Variants in GSK3B observed in about 807,000 individuals in gnomAD.
GSK3B encodes the protein glycogen synthase kinase-3 beta.
In GSK3B, 15 loss-of-function variants were observed where a neutral mutation model predicts 56.4. That is an observed-to-expected ratio of 0.27 (90% CI 0.18 to 0.41). The LOEUF is 0.41. Among genes scored for constraint, GSK3B ranks in the 10% least tolerant of loss-of-function variants. The probability of loss-of-function intolerance (pLI) is 1.00; values close to 1 mark genes in which losing one functional copy is unlikely to be tolerated. For missense variants in GSK3B, 300 were observed against 513.4 expected (o/e 0.58, Z 4.02); for synonymous variants, 181 against 188.9 (o/e 0.96, Z 0.34).
intron 4 of GSK3B, among the ~76,000 whole-genome samples, chr3:119,920,773 T>A (rs2056832501): frequency 6.6e-6 from 1 of 152,174 alleles, no homozygotes; most frequent in African/African-American, 2.4e-5. Flanking sequence ...AAATATAAGA[T>A]TATTACAGTT....
intron 9 of GSK3B, among the ~76,000 whole-genome samples, chr3:119,847,109 G>A (rs187102272): frequency 1.4e-4 from 22 of 152,164 alleles, no homozygotes; most frequent in African/African-American, 4.8e-4. Flanking sequence ...GGCACAGGGA[G>A]GGGAACATCA....
chr3:119,988,389 T>C (rs1381584084), intron 2 of GSK3B, among the ~76,000 whole-genome samples: 1 of 152,224 alleles, frequency 6.6e-6, no homozygotes, highest in South Asian at 2.1e-4. Context: ...TTCTCCATAA[T>C]TTTGAAACTA....
At chr3:119,998,444 C>A (rs1225889435) in intron 2 of GSK3B, among the ~76,000 whole-genome samples, 1 of 152,228 alleles carries the variant, frequency 6.6e-6, no homozygotes, top group Non-Finnish European at 1.5e-5. Flanking sequence ...GCAGCTCCAG[C>A]TGATGCCTGG....
At chr3:119,909,886 G>A (rs1333157180) in intron 6 of GSK3B, among the ~76,000 whole-genome samples, 2 of 152,108 alleles carry the variant, frequency 1.3e-5, no homozygotes, top group Non-Finnish European at 1.5e-5. Flanking sequence ...GATGATTAAA[G>A]CTAATGGTCT....
chr3:119,831,447 G>A (rs951611425), intron 10 of GSK3B, among the ~76,000 whole-genome samples: 2 of 152,110 alleles, frequency 1.3e-5, no homozygotes, highest in Non-Finnish European at 2.9e-5. Flanking sequence ...CACAAAGTCA[G>A]GAGATAGAGA....
intron 2 of GSK3B, among the ~76,000 whole-genome samples, chr3:119,983,349 A>G (rs998750505): frequency 2.0e-5 from 3 of 152,224 alleles, no homozygotes; most frequent in African/African-American, 4.8e-5. Flanking sequence ...AAATTCATAT[A>G]TAGCAATATT....
At chr3:119,954,225 A>T (rs2057186996) in intron 2 of GSK3B, among the ~76,000 whole-genome samples, 1 of 15,010 alleles carries the variant, frequency 6.7e-5, no homozygotes, top group Non-Finnish European at 1.6e-4. Context: ...GTGGAAGGAG[A>T]ATAGAATAGA....
At chr3:120,051,163 G>A (rs528187222) in intron 1 of GSK3B, among the ~76,000 whole-genome samples, 22 of 150,546 alleles carry the variant, frequency 1.5e-4, no homozygotes, top group Admixed American at 8.6e-4. Flanking sequence ...AAAAAAATCA[G>A]TGGGCAAGCA....
At chr3:120,018,060 A>G (rs2107505982) in intron 1 of GSK3B, among the ~76,000 whole-genome samples, 2 of 152,284 alleles carry the variant, frequency 1.3e-5, no homozygotes, top group Middle Eastern at 6.8e-3. Flanking sequence ...TCACCAAACC[A>G]TCATCACTCA....
chr3:119,877,183 T>C (rs966990720), intron 7 of GSK3B, among the ~76,000 whole-genome samples: 5 of 152,172 alleles, frequency 3.3e-5, no homozygotes, highest in African/African-American at 7.2e-5. Context: ...GATATCTTTA[T>C]CTAGAAAAAC....
At chr3:119,906,029 T>C (rs1340434912) in intron 6 of GSK3B, among the ~76,000 whole-genome samples, 177 bp from the exon 7 acceptor site, 2 of 152,056 alleles carry the variant, frequency 1.3e-5, no homozygotes, top group Non-Finnish European at 2.9e-5. Context: ...AATTAAATGT[T>C]AAACTTACCA....
At position 119,946,757 on chromosome 3, in the gene GSK3B, A is replaced by C. The variant is rs1345862763; in HGVS notation, c.366+511T>G. On this transcript the variant is annotated intron_variant, in intron 3 of 10. Coordinates refer to ENST00000264235, the MANE Select transcript of GSK3B (RefSeq NM_001146156.2). ...CGCAGAATTCAATGTGGTCAGACAT[A>C]GGGATCACTTAAAGTAAGCTCTGCA... is the stretch of plus-strand genomic sequence containing the variant. 2.0e-5 allele frequency among the ~76,000 whole-genome samples: 3 copies of C among 152,198 alleles called. No individual in the cohort carries two copies. The East Asian group carries it at 5.8e-4, about 29-fold the overall frequency.
intron 2 of GSK3B, among the ~76,000 whole-genome samples, chr3:119,993,389 T>C (rs2057584971): frequency 6.6e-6 from 1 of 151,952 alleles, no homozygotes; most frequent in African/African-American, 2.4e-5. Context: ...AAGCGATACA[T>C]ACAGAAACAG....
intron 1 of GSK3B, among the ~76,000 whole-genome samples, chr3:120,054,198 A>G (rs80165941): frequency 0.016 from 2,439 of 152,336 alleles, 63 homozygotes; most frequent in African/African-American, 0.055. Context: ...AGATGATGGT[A>G]TTTTATCCTT....
At chr3:119,863,982 T>C (rs139454542) in intron 8 of GSK3B, among the ~76,000 whole-genome samples, 8 of 152,182 alleles carry the variant, frequency 5.3e-5, no homozygotes, top group Admixed American at 3.3e-4. Flanking sequence ...TTTTGCATTG[T>C]TTTTTTAGCC....
chr3:119,994,842 T>C (rs1042015341), intron 2 of GSK3B, among the ~76,000 whole-genome samples: 37 of 152,240 alleles, frequency 2.4e-4, no homozygotes, highest in African/African-American at 8.9e-4. Flanking sequence ...CAATGGACAT[T>C]TTTGGAACAA....
At position 119,824,371 on chromosome 3, in the gene GSK3B, T is replaced by C. The variant is rs2055466998; in HGVS notation, c.*2417A>G. ...CACACACGCACACATGCACACACAA[T>C]GAAATGAGAGAAAAGCGTGACTTTT... On this transcript the variant is annotated 3_prime_UTR_variant, in exon 11 of 11. Transcript: ENST00000264235. 9.0e-6 allele frequency: 2 copies of C among 221,066 alleles called. No individual in the cohort carries two copies. The highest frequency in any genetic ancestry group is 6.5e-5 in the East Asian group (1 of 15,344). The allele number at this position is 221,066 out of a possible 1,614,324, so 13.7% of individuals were successfully genotyped here. A position where few individuals can be genotyped will look rare whatever the true frequency, so the allele number is the denominator to read the frequency against.
chr3:119,943,182 A>G (rs2057066889), intron 3 of GSK3B, among the ~76,000 whole-genome samples: 1 of 152,230 alleles, frequency 6.6e-6, no homozygotes, highest in Non-Finnish European at 1.5e-5. Context: ...CAAAATAGAC[A>G]TATCATTCAG....
At chr3:119,901,443 T>C (rs1486279810) in intron 7 of GSK3B, among the ~76,000 whole-genome samples, 1 of 152,214 alleles carries the variant, frequency 6.6e-6, no homozygotes, top group South Asian at 2.1e-4. Flanking sequence ...AAATCTGTTC[T>C]TATACTTTTA....
Sources: gnomAD v4.1 joint callset for allele counts (sites outside exome capture counted in the v4.1 genomes callset) on GRCh38, gnomAD v4.1.1 for gene constraint, MANE v1.5 for transcripts, NCBI Gene and HGNC (gene_info 2026-07-23, HGNC 2026-07-21) for gene names.